Variants in ATG2B observed in about 807,000 individuals in gnomAD.
ATG2B encodes the protein autophagy related 2B.
ATG2B carries 121 observed loss-of-function variants against 241.3 expected under a neutral mutation model. The observed-to-expected ratio is 0.50, with a 90% CI of 0.43 to 0.58. ATG2B has a LOEUF of 0.58. Ranked by LOEUF, ATG2B falls within the 20% of genes least tolerant of loss-of-function variation. ATG2B has a pLI of 0.00. For synonymous variants in ATG2B, 858 were observed against 876.6 expected (o/e 0.98, Z 0.37); for missense variants, 2,306 against 2,491.6 (o/e 0.93, Z 1.59).
In ATG2B at chr14:96,322,504, T is replaced by C. The variant is rs369053196; in HGVS notation, c.2736+36A>G. ...AGCATTGCTCTATGACAGAGAATAATAGTATTATTCCTTTGTAGCTTGCTC... is the reference window on the plus strand; with the variant it reads ...AGCATTGCTCTATGACAGAGAATAACAGTATTATTCCTTTGTAGCTTGCTC... On this transcript the variant is annotated intron_variant, in intron 17 of 41. Coordinates refer to ENST00000359933, the MANE Select transcript of ATG2B (RefSeq NM_018036.7). The C allele has an allele frequency of 1.1e-4, 177 of 1,563,684 alleles. No homozygotes were observed. The African/African-American group carries it at 2.3e-3, about 20-fold the overall frequency.
intron 1 of ATG2B, among the ~76,000 whole-genome samples, chr14:96,354,787 TTTTG>T (rs1364701171): frequency 6.6e-6 from 1 of 152,058 alleles, no homozygotes; most frequent in Non-Finnish European, 1.5e-5. Flanking sequence ...AGCCCGTGTG[TTTTG>T]TTTTTGTTGT....
chr14:96,320,414 AT>A (rs1243073095), intron 18 of ATG2B, among the ~76,000 whole-genome samples: 1 of 152,064 alleles, frequency 6.6e-6, no homozygotes, highest in African/African-American at 2.4e-5. Flanking sequence ...CTCTGAAAAA[AT>A]TTTTTTCACT....
intron 18 of ATG2B, chr14:96,318,157 A>C (rs1251234666): frequency 5.3e-6 from 1 of 188,890 alleles, no homozygotes; most frequent in African/African-American, 2.3e-5. Context: ...TTCATATTAC[A>C]TTTCAAAATA....
In ATG2B at chr14:96,308,282, AT is replaced by A. The variant is rs71731196; in HGVS notation, c.4303+1170del. 6.5e-4 allele frequency among the ~76,000 whole-genome samples: 24 copies of A among 37,024 alleles called. 1 individual carries two copies. Among genetic ancestry groups the A allele is most frequent in the East Asian group, 4.1e-3 (6 of 1,472 alleles). The allele number at this position is 37,024 out of a possible 152,430, so 24.3% of individuals were successfully genotyped here. On this transcript the variant is annotated intron_variant, in intron 29 of 41. Coordinates refer to ENST00000359933, the MANE Select transcript of ATG2B (RefSeq NM_018036.7). ...CATATATATATATATATATATATAT[AT>A]TTTTTTTTTTTTTTTTTTTGAGACA...
chr14:96,305,364 G>C (rs1416631291), intron 31 of ATG2B, among the ~76,000 whole-genome samples: 1 of 152,172 alleles, frequency 6.6e-6, no homozygotes, highest in South Asian at 2.1e-4. Flanking sequence ...AAAATGATGA[G>C]AGTCAACATT....
Position 96,340,532 on chromosome 14 carries a change from A to G in ATG2B, c.924+990T>C, listed in dbSNP as rs147169247. On this transcript the variant is annotated intron_variant, in intron 6 of 41. Transcript: ENST00000359933. ...AGATTCCCCTACTCACGAAGAGTAGACTGATGGTTACCAGAGGCTGGGAAC... is the reference window on the plus strand; with the variant it reads ...AGATTCCCCTACTCACGAAGAGTAGGCTGATGGTTACCAGAGGCTGGGAAC... 8.6e-3 allele frequency among the ~76,000 whole-genome samples: 1,314 copies of G among 152,220 alleles called. 62 individuals carry two copies. Among genetic ancestry groups the G allele is most frequent in the Admixed American group, 0.075 (1,148 of 15,280 alleles).
intron 24 of ATG2B, 37 bp from the exon 25 acceptor site, chr14:96,313,194 T>C (rs1225342915): frequency 2.0e-5 from 30 of 1,490,140 alleles, no homozygotes; most frequent in Non-Finnish European, 2.7e-5. Context: ...ATCAGTTTGA[T>C]ACGGCTCCAG....
chr14:96,308,229 TACATATATATATATATATATATACACAC>T (rs1473462929), intron 29 of ATG2B, among the ~76,000 whole-genome samples: 770 of 50,920 alleles, frequency 0.015, 34 homozygotes, highest in African/African-American at 0.058. Flanking sequence ...AATATATATA[TACATATATATATATATATATATACACAC>T]ATATATATAT....
chr14:96,344,521 C>T (rs572729538), intron 4 of ATG2B, 133 bp downstream of exon 4: 2 of 472,208 alleles, frequency 4.2e-6, no homozygotes, highest in Admixed American at 8.0e-5. Flanking sequence ...TAGCAAATAA[C>T]TTGAAGAGCA....
Position 96,345,249 on chromosome 14 carries a change from A to G in ATG2B, c.462T>C (p.Ala154=), listed in dbSNP as rs61740267. The change falls in exon 3 of 42, where the codon GCT becomes GCC. Residue 154 remains alanine, a synonymous_variant. Coordinates refer to ENST00000359933, the MANE Select transcript of ATG2B (RefSeq NM_018036.7). ...SQPFEGLEKF[A]ETIETVLRRV... ...ACACCAAACCTGTTTCAATGGTTTC[A>G]GCAAACTTTTCAAGTCCTTCAAAAG... 1.1e-3 allele frequency: 1,774 copies of G among 1,611,116 alleles called. 20 individuals are homozygous for G. The African/African-American group carries it at 0.022, about 20-fold the overall frequency.
chr14:96,308,199 CAT>C (rs1337082116), intron 29 of ATG2B, among the ~76,000 whole-genome samples: 1,584 of 111,264 alleles, frequency 0.014, 34 homozygotes, highest in African/African-American at 0.046. Context: ...TATATATATA[CAT>C]ATATATATAA....
Position 96,289,143 on chromosome 14 carries a change from G to A in ATG2B, c.6006+513C>T, listed in dbSNP as rs989739823. On this transcript the variant is annotated intron_variant, in intron 41 of 41. Transcript: ENST00000359933. This position sits in a 1 kb window ranked among gnomAD's most constrained non-coding sequence, Gnocchi z 4.3. ...GAATGAGACACATAACACCATTTAC[G>A]GAAACTTTTAAAACATTAACACTAG... is the stretch of plus-strand genomic sequence containing the variant. Among the ~76,000 whole-genome samples the A allele has an allele frequency of 5.3e-5, 8 of 152,108 alleles. No homozygotes were observed. The highest frequency in any genetic ancestry group is 4.2e-4 in the South Asian group (2 of 4,816).
Position 96,295,007 on chromosome 14 carries a change from GTTC to G in ATG2B, c.5376_5378del (p.Lys1792del), listed in dbSNP as rs779539680. The G allele has an allele frequency of 5.0e-6, 8 of 1,614,092 alleles. No individual in the cohort carries two copies. The Admixed American group carries it at 5.0e-5, about 10-fold the overall frequency. On this transcript the variant is annotated inframe_deletion, in exon 36 of 42. Transcript: ENST00000359933. ...TAAAAGATGCTTCTTCAGCAGAGAA[GTTC>G]TTCTCTTCCATGCCATTAACCACTT...
At chr14:96,314,763 C>A (rs1334889176) in intron 23 of ATG2B, among the ~76,000 whole-genome samples, 1 of 152,234 alleles carries the variant, frequency 6.6e-6, no homozygotes, top group East Asian at 1.9e-4. Context: ...TGCAGTGGCA[C>A]GATCTCAGCT....
Position 96,279,356 on chromosome 14 carries a change from G to A in ATG2B, c.*6399C>T, listed in dbSNP as rs770417063. On this transcript the variant is annotated 3_prime_UTR_variant, in exon 42 of 42. Coordinates refer to ENST00000359933, the MANE Select transcript of ATG2B (RefSeq NM_018036.7). ...AAAGAATTTCCCCTCTCCGGGCTTC[G>A]ATTTCCTCACCTGCAGACAGGACTA... is the stretch of plus-strand genomic sequence containing the variant. 3 of 152,054 alleles carry A rather than the reference G, an allele frequency of 2.0e-5. No homozygotes were observed. Among genetic ancestry groups the A allele is most frequent in the Non-Finnish European group, 4.4e-5 (3 of 68,032 alleles). The allele number at this position is 152,054 out of a possible 1,614,324, so 9.4% of individuals were successfully genotyped here.
intron 6 of ATG2B, among the ~76,000 whole-genome samples, chr14:96,338,343 T>C (rs937901736): frequency 2.6e-5 from 4 of 152,146 alleles, no homozygotes; most frequent in Non-Finnish European, 5.9e-5. Context: ...GTGGTGAAAG[T>C]GGGCATCCTT....
intron 36 of ATG2B, among the ~76,000 whole-genome samples, chr14:96,293,488 G>T (rs1395556046): frequency 2.6e-5 from 4 of 152,162 alleles, no homozygotes; most frequent in African/African-American, 9.7e-5. Context: ...ACAGTTAAGT[G>T]CTCAGTAAAT....
Position 96,305,579 on chromosome 14 carries a change from A to C in ATG2B, c.4733+10T>G, listed in dbSNP as rs745777861. On this transcript the variant is annotated intron_variant, in intron 31 of 41. Transcript: ENST00000359933. ...GCCTCCCAAATAAACTTATATAGAA[A>C]TTAACTTACATATAACTTTTAGCCG... is the stretch of plus-strand genomic sequence containing the variant. 38 of 1,568,428 alleles carry C rather than the reference A, an allele frequency of 2.4e-5. No individual in the cohort carries two copies. The highest frequency in any genetic ancestry group is 3.3e-5 in the Non-Finnish European group (38 of 1,143,298).
chr14:96,349,104 A>AG, intron 1 of ATG2B, among the ~76,000 whole-genome samples: 1 of 152,340 alleles, frequency 6.6e-6, no homozygotes, highest in Non-Finnish European at 1.5e-5. Flanking sequence ...GCCCACTTGA[A>AG]GGAGTGCTAT....
Sources: gnomAD v4.1 joint callset for allele counts (sites outside exome capture counted in the v4.1 genomes callset) on GRCh38, gnomAD v4.1.1 for gene constraint, Gnocchi (gnomAD v3.1) non-coding constraint, MANE v1.5 for transcripts, NCBI Gene and HGNC (gene_info 2026-07-23, HGNC 2026-07-21) for gene names.